COL22A1: variants seen among roughly 807,000 people sequenced by gnomAD.
The protein encoded by COL22A1 is collagen type XXII alpha 1 chain.
In COL22A1, 221 loss-of-function variants were observed where a neutral mutation model predicts 248.9. The observed-to-expected ratio is 0.89, with a 90% CI of 0.80 to 0.99. The LOEUF is 0.99. COL22A1 is among the 50% of genes least tolerant of loss of function. COL22A1 has a pLI of 0.00. For missense variants in COL22A1, 2,240 were observed against 2,179.0 expected, an observed-to-expected ratio of 1.03 and a Z score of -0.56; for synonymous variants, 891 against 793.4, an observed-to-expected ratio of 1.12 and a Z score of -2.07.
intron 12 of COL22A1, among the ~76,000 whole-genome samples, chr8:138,790,871 A>G (rs1432248108): frequency 7.3e-6 from 1 of 136,276 alleles, no homozygotes; most frequent in African/African-American, 3.0e-5. Context: ...CTACCCTCCT[A>G]TTTACTCTTA....
chr8:138,722,163 AC>A, intron 25 of COL22A1, 74 bp from the exon 26 acceptor site: 1 of 1,340,984 alleles, frequency 7.5e-7, no homozygotes, highest in Non-Finnish European at 1.0e-6. Context: ...GTTGTTTCAA[AC>A]CAGGAGCTGT....
At position 138,848,808 on chromosome 8, in the gene COL22A1, G is replaced by A. The variant is rs563265289; in HGVS notation, c.659-4650C>T. Among the ~76,000 whole-genome samples the A allele has an allele frequency of 2.0e-5, 3 of 152,280 alleles. No homozygotes were observed. The East Asian group carries it at 5.8e-4, about 29-fold the overall frequency. The stretch of plus-strand genomic sequence containing the variant: ...GAAATGTCTCTGTATTTGAATAAAT[G>A]CCTCCCTAAATCTAGCATCTAGGAA... On this transcript the variant is annotated intron_variant, in intron 3 of 64. Coordinates refer to ENST00000303045, the MANE Select transcript of COL22A1 (RefSeq NM_152888.3).
At chr8:138,791,468 A>G (rs753467662) in intron 12 of COL22A1, among the ~76,000 whole-genome samples, 25 of 152,240 alleles carry the variant, frequency 1.6e-4, no homozygotes, top group Admixed American at 3.9e-4. Flanking sequence ...TTGCAAACTT[A>G]AGAGCGCTTG....
chr8:138,871,182 C>T (rs1823312328), intron 3 of COL22A1, among the ~76,000 whole-genome samples: 1 of 152,124 alleles, frequency 6.6e-6, no homozygotes, highest in Admixed American at 6.5e-5. Context: ...CCTGCCGTCC[C>T]CTGGGACATG....
intron 1 of COL22A1, among the ~76,000 whole-genome samples, chr8:138,897,327 C>G (rs1825489452): frequency 6.6e-6 from 1 of 152,152 alleles, no homozygotes; most frequent in Non-Finnish European, 1.5e-5. Context: ...GCAGGCGATT[C>G]ACAAGGTCAA....
intron 20 of COL22A1, 30 bp from the exon 21 acceptor site, chr8:138,755,240 T>A (rs751142473): frequency 1.9e-6 from 3 of 1,609,640 alleles, no homozygotes; most frequent in Non-Finnish European, 2.6e-6. Context: ...AGATGTTTAG[T>A]CATGACTTTT....
chr8:138,649,555 G>A, intron 46 of COL22A1, 110 bp downstream of exon 46: 1 of 1,509,738 alleles, frequency 6.6e-7, no homozygotes, highest in South Asian at 1.3e-5. Context: ...CTTGAATCTT[G>A]AACCCCTCAA....
At chr8:138,776,075 G>A in intron 15 of COL22A1, 65 bp from the exon 16 acceptor site, 4 of 1,548,090 alleles carry the variant, frequency 2.6e-6, no homozygotes, top group Non-Finnish European at 3.6e-6. Flanking sequence ...TCACCGTGGG[G>A]GTGTCCATGG....
chr8:138,761,640 AT>A (rs1361000135), intron 17 of COL22A1, among the ~76,000 whole-genome samples: 4 of 152,150 alleles, frequency 2.6e-5, no homozygotes, highest in African/African-American at 7.2e-5. Context: ...ATTGATGTAT[AT>A]GTTAAATTAT....
At chr8:138,890,858 A>G (rs1162889534) in intron 1 of COL22A1, among the ~76,000 whole-genome samples, 1 of 151,614 alleles carries the variant, frequency 6.6e-6, no homozygotes, top group Non-Finnish European at 1.5e-5. Flanking sequence ...ACAAAAATAC[A>G]AAGAAAAAAA....
chr8:138,832,302 C>A (rs1005067596), intron 5 of COL22A1, among the ~76,000 whole-genome samples: 1 of 152,130 alleles, frequency 6.6e-6, no homozygotes, highest in Admixed American at 6.5e-5. Flanking sequence ...AACTTGCTTT[C>A]ACTTTGCACC....
chr8:138,700,298 T>A (rs763213616), intron 31 of COL22A1, among the ~76,000 whole-genome samples, 154 bp from the exon 32 acceptor site: 13 of 152,252 alleles, frequency 8.5e-5, no homozygotes, highest in Admixed American at 1.3e-4. Flanking sequence ...TTCACATCTT[T>A]CTTTAAAATC....
intron 7 of COL22A1, among the ~76,000 whole-genome samples, chr8:138,820,046 A>T (rs1285246693): frequency 6.6e-6 from 1 of 152,192 alleles, no homozygotes; most frequent in Non-Finnish European, 1.5e-5. Context: ...CTAACAGGAG[A>T]ATGAATGACG....
At chr8:138,671,563 C>T (rs541061937) in intron 41 of COL22A1, among the ~76,000 whole-genome samples, 1 of 152,306 alleles carries the variant, frequency 6.6e-6, no homozygotes, top group African/African-American at 2.4e-5. Flanking sequence ...AAGTAGAAAG[C>T]GTTCTCTCGC....
intron 1 of COL22A1, among the ~76,000 whole-genome samples, chr8:138,904,481 G>A (rs1343886995): frequency 1.3e-5 from 2 of 152,070 alleles, no homozygotes; most frequent in African/African-American, 2.4e-5. Flanking sequence ...CCCTCAGCCT[G>A]CCTCACCCAT....
chr8:138,716,953 C>T (rs1829485664), intron 27 of COL22A1, 84 bp from the exon 28 acceptor site: 1 of 1,004,384 alleles, frequency 1.0e-6, no homozygotes, highest in Admixed American at 1.7e-5. Context: ...CTCACACATT[C>T]ATAGCACCTG....
At chr8:138,807,400 GT>G (rs1215754591) in intron 10 of COL22A1, among the ~76,000 whole-genome samples, 1 of 152,220 alleles carries the variant, frequency 6.6e-6, no homozygotes, top group East Asian at 1.9e-4. Flanking sequence ...GGGTCATGCA[GT>G]TTAATGAATC....
intron 35 of COL22A1, among the ~76,000 whole-genome samples, chr8:138,692,952 C>T (rs1218060208): frequency 6.6e-6 from 1 of 152,140 alleles, no homozygotes; most frequent in Non-Finnish European, 1.5e-5. Context: ...GGGCACCCGG[C>T]AGTGGTGCTA....
At chr8:138,635,156 C>G (rs1821041891) in intron 48 of COL22A1, 93 bp from the exon 49 acceptor site, 1 of 1,023,520 alleles carries the variant, frequency 9.8e-7, no homozygotes, top group Admixed American at 2.9e-5. Flanking sequence ...ATACAGAATC[C>G]ACCTTCCAAC....
Sources: allele counts gnomAD v4.1 joint callset (sites outside exome capture counted in the v4.1 genomes callset), GRCh38; gene constraint gnomAD v4.1.1; transcripts MANE v1.5; gene names NCBI Gene and HGNC (gene_info 2026-07-23, HGNC 2026-07-21).